The following AGMO variants were observed in gnomAD, a reference collection of about 807,000 sequenced individuals.
AGMO encodes the protein glyceryl-ether monooxygenase.
In AGMO, 75 loss-of-function variants were observed where a neutral mutation model predicts 60.2. That is an observed-to-expected ratio of 1.25 (90% CI 1.03 to 1.51). The LOEUF is 1.51. AGMO is among the 40% of genes most tolerant of loss of function. The probability of loss-of-function intolerance (pLI) is 0.00; values close to 1 mark genes in which losing one functional copy is unlikely to be tolerated. For missense variants in AGMO, 763 were observed against 525.5 expected (o/e 1.45, Z -4.42); for synonymous variants, 261 against 177.1 (o/e 1.47, Z -3.76).
chr7:15,357,854 T>A (rs769349476), intron 12 of AGMO, among the ~76,000 whole-genome samples: 3 of 152,180 alleles, frequency 2.0e-5, no homozygotes, highest in Non-Finnish European at 4.4e-5. Flanking sequence ...ATAATAAATC[T>A]TCATTTGCTT....
At chr7:15,118,986 G>GA in the AGMO span, among the ~76,000 whole-genome samples, 2 of 106,276 alleles carry the variant, frequency 1.9e-5, no homozygotes, top group Non-Finnish European at 3.9e-5. Context: ...TTAAGCTATT[G>GA]GGGTTTTTTT....
intron 3 of AGMO, among the ~76,000 whole-genome samples, chr7:15,513,578 A>G (rs374277106): frequency 1.1e-4 from 17 of 152,280 alleles, no homozygotes; most frequent in African/African-American, 4.1e-4. Flanking sequence ...AATCAGGATC[A>G]CTACTTATTT....
the AGMO span, among the ~76,000 whole-genome samples, chr7:15,151,150 C>T: frequency 7.0e-3 from 1,057 of 152,010 alleles, 15 homozygotes; most frequent in African/African-American, 0.024. Flanking sequence ...TTTGTTTTGT[C>T]CTGTTGGGAC....
intron 12 of AGMO, among the ~76,000 whole-genome samples, chr7:15,337,268 T>C (rs1467305226): frequency 6.6e-6 from 1 of 152,148 alleles, no homozygotes; most frequent in African/African-American, 2.4e-5. Flanking sequence ...ATGCAGGAAA[T>C]ATGCAAGAAG....
chr7:15,139,811 C>T, the AGMO span, among the ~76,000 whole-genome samples: 1 of 130,526 alleles, frequency 7.7e-6, no homozygotes, highest in African/African-American at 3.3e-5. Context: ...TAGACCCTAT[C>T]TCAAAAGACA....
chr7:15,513,190 T>G (rs1182783396), intron 3 of AGMO, among the ~76,000 whole-genome samples: 2 of 152,226 alleles, frequency 1.3e-5, no homozygotes, highest in African/African-American at 4.8e-5. Flanking sequence ...CTTTGATATG[T>G]GATGGTCATT....
chr7:15,166,301 C>T, the AGMO span, among the ~76,000 whole-genome samples: 3 of 152,062 alleles, frequency 2.0e-5, no homozygotes, highest in African/African-American at 7.2e-5. Flanking sequence ...CCTCCTGACA[C>T]GTTAGGGAAG....
chr7:15,357,826 C>A (rs140345093), intron 12 of AGMO, among the ~76,000 whole-genome samples: 1 of 152,280 alleles, frequency 6.6e-6, no homozygotes, highest in East Asian at 1.9e-4. Flanking sequence ...AGAGAAAACA[C>A]CACAGAAATT....
chr7:15,413,920 C>G (rs1175432286), intron 5 of AGMO, among the ~76,000 whole-genome samples: 5 of 152,170 alleles, frequency 3.3e-5, no homozygotes, highest in African/African-American at 9.7e-5. Context: ...AGAAGATTAA[C>G]TGTTTTATCT....
At chr7:15,459,597 G>A (rs2128508190) in intron 3 of AGMO, among the ~76,000 whole-genome samples, 1 of 104,548 alleles carries the variant, frequency 9.6e-6, no homozygotes, top group South Asian at 3.1e-4. Context: ...GTGTATGTGC[G>A]TTTGTGTGTG....
chr7:15,547,233 T>C (rs1379768756), intron 2 of AGMO, among the ~76,000 whole-genome samples: 4 of 151,618 alleles, frequency 2.6e-5, no homozygotes, highest in Admixed American at 6.6e-5. Flanking sequence ...CTTCCAAGTG[T>C]TTCCTGGGGA....
intron 3 of AGMO, among the ~76,000 whole-genome samples, chr7:15,435,865 T>C (rs1781384573): frequency 6.6e-6 from 1 of 152,186 alleles, no homozygotes; most frequent in Admixed American, 6.6e-5. Context: ...AAAATGCACT[T>C]TAAAATATGT....
intron 12 of AGMO, among the ~76,000 whole-genome samples, chr7:15,232,575 T>C (rs1416827842): frequency 1.3e-5 from 2 of 152,064 alleles, no homozygotes; most frequent in Non-Finnish European, 2.9e-5. Context: ...CAAAGTACAT[T>C]ATGAAGAAAA....
At chr7:15,227,468 G>A (rs973335864) in intron 12 of AGMO, among the ~76,000 whole-genome samples, 1 of 150,564 alleles carries the variant, frequency 6.6e-6, no homozygotes, top group Non-Finnish European at 1.5e-5. Flanking sequence ...TGGTGAAAAC[G>A]GTGACAAATA....
chr7:15,353,321 C>T (rs1039261799), intron 12 of AGMO, among the ~76,000 whole-genome samples: 1 of 152,144 alleles, frequency 6.6e-6, no homozygotes, highest in African/African-American at 2.4e-5. Flanking sequence ...ACAAGCCATG[C>T]AGAAAGCTGG....
At chr7:15,140,342 C>T in the AGMO span, among the ~76,000 whole-genome samples, 1 of 152,030 alleles carries the variant, frequency 6.6e-6, no homozygotes, top group Non-Finnish European at 1.5e-5. Context: ...TTTGTCTTTT[C>T]CCTCTGGCAT....
At chr7:15,125,336 T>C in the AGMO span, among the ~76,000 whole-genome samples, 3 of 152,048 alleles carry the variant, frequency 2.0e-5, no homozygotes, top group Non-Finnish European at 4.4e-5. Context: ...GAATGACCAG[T>C]GAGGTTTGCA....
intron 12 of AGMO, among the ~76,000 whole-genome samples, chr7:15,305,884 C>T (rs1265447501): frequency 6.6e-6 from 1 of 151,750 alleles, no homozygotes; most frequent in African/African-American, 2.4e-5. Context: ...CATGAACGAA[C>T]CTAAAAGAAC....
chr7:15,445,391 A>C (rs1363910746), intron 3 of AGMO, among the ~76,000 whole-genome samples: 1 of 152,160 alleles, frequency 6.6e-6, no homozygotes, highest in African/African-American at 2.4e-5. Context: ...ATTTCAACAA[A>C]GTATATTCAA....
Sources: allele counts gnomAD v4.1 joint callset (sites outside exome capture counted in the v4.1 genomes callset), GRCh38; gene constraint gnomAD v4.1.1; transcripts MANE v1.5; gene names NCBI Gene and HGNC (gene_info 2026-07-23, HGNC 2026-07-21).